Variants in SH3YL1 observed in about 807,000 individuals in gnomAD.
The protein encoded by SH3YL1 is SH3 domain-containing YSC84-like protein 1.
A neutral mutation model predicts 45.8 loss-of-function variants in SH3YL1; 41 were observed. That is an observed-to-expected ratio of 0.89 (90% CI 0.70 to 1.16). The LOEUF is 1.16. SH3YL1 is among the 50% of genes most tolerant of loss of function. The probability of loss-of-function intolerance (pLI) is 0.00; values close to 1 mark genes in which losing one functional copy is unlikely to be tolerated. For synonymous variants in SH3YL1, 152 were observed against 151.4 expected (o/e 1.00, Z -0.03); for missense variants, 389 against 409.6 (o/e 0.95, Z 0.43).
chr2:252,085 G>A (rs1669093968), intron 2 of SH3YL1, among the ~76,000 whole-genome samples: 1 of 152,130 alleles, frequency 6.6e-6, no homozygotes, highest in Non-Finnish European at 1.5e-5. Flanking sequence ...GATCTTATGT[G>A]TCACTGACTA....
At chr2:231,417 T>A (rs1041025098) in intron 6 of SH3YL1, among the ~76,000 whole-genome samples, 12 of 152,230 alleles carry the variant, frequency 7.9e-5, no homozygotes, top group Non-Finnish European at 1.2e-4. Context: ...CTTATATGTA[T>A]CCTTTCTTTA....
intron 8 of SH3YL1, 78 bp downstream of exon 8, chr2:229,888 T>C: frequency 1.7e-6 from 2 of 1,164,918 alleles, no homozygotes; most frequent in East Asian, 2.6e-5. Context: ...AGTTTAACAA[T>C]GTATCTTGAT....
At chr2:222,773 C>G (rs914906890) in intron 9 of SH3YL1, 1 of 152,246 alleles carries the variant, frequency 6.6e-6, no homozygotes, top group Non-Finnish European at 1.5e-5. Context: ...TCATCACACC[C>G]AGCAGCCCCT....
intron 9 of SH3YL1, among the ~76,000 whole-genome samples, chr2:220,910 T>C (rs1210844357): frequency 6.6e-6 from 1 of 152,244 alleles, no homozygotes; most frequent in Non-Finnish European, 1.5e-5. Flanking sequence ...CACAGCCATC[T>C]TAGCTACCAT....
chr2:234,334 C>T, intron 4 of SH3YL1, 62 bp from the exon 5 acceptor site: 5 of 1,277,320 alleles, frequency 3.9e-6, no homozygotes, highest in Non-Finnish European at 5.6e-6. Context: ...TAAAATTCAT[C>T]TTGACTAACA....
At chr2:227,889 A>ATG (rs3070147) in intron 8 of SH3YL1, among the ~76,000 whole-genome samples, 45,828 of 150,698 alleles carry the variant, frequency 0.3, 7,404 homozygotes, top group East Asian at 0.58. Flanking sequence ...CCATAAAATT[A>ATG]TGTGTGTGTG....
At chr2:256,984 T>C (rs1669361261) in intron 1 of SH3YL1, among the ~76,000 whole-genome samples, 1 of 152,214 alleles carries the variant, frequency 6.6e-6, no homozygotes, top group African/African-American at 2.4e-5. Flanking sequence ...CTAATGATGT[T>C]GAACACTTTT....
rs201370485 is a variant in SH3YL1 at position 233,196 on chromosome 2, G to T, written c.438C>A (p.Ser146=). 2 of 1,590,122 alleles carry T rather than the reference G, an allele frequency of 1.3e-6. No homozygotes were observed. Among genetic ancestry groups the T allele is most frequent in the Non-Finnish European group, 1.7e-6 (2 of 1,166,380 alleles). Residue 146 remains serine (S), a synonymous_variant, in exon 6 of 10, where the codon TCC becomes TCA. Coordinates refer to ENST00000356150, the MANE Select transcript of SH3YL1 (RefSeq NM_015677.4). ...ACTTGCAGTACGTGAAGACGGCAGC[G>T]GAGCTTCTCAGGGCCACGTTTCCTT... The part of the protein sequence containing the change: ...NLEGNVALRS[S]AAVFTYCKSR...
chr2:262,416 G>C (rs935252960), intron 1 of SH3YL1: 5 of 353,136 alleles, frequency 1.4e-5, no homozygotes, highest in African/African-American at 1.1e-4. Flanking sequence ...AGCTTTCTCT[G>C]CTCCCTCGGG....
At position 260,740 on chromosome 2, in the gene SH3YL1, C is replaced by T. The variant is rs915143098; in HGVS notation, c.1+3244G>A. ...TTTAGACTAGATTTTCTGATACATG[C>T]AACTGAAGCACTGTAAATAATACAT... On this transcript the variant is annotated intron_variant, in intron 1 of 9. Transcript: ENST00000356150. 5 of 152,364 alleles carry T rather than the reference C, an allele frequency of 3.3e-5. No individual in the cohort carries two copies. The East Asian group carries it at 7.7e-4, about 24-fold the overall frequency. 9.4% of individuals were successfully genotyped at this position (152,364 alleles called of 1,614,324 possible).
intron 9 of SH3YL1, among the ~76,000 whole-genome samples, chr2:221,662 TA>T: frequency 6.6e-6 from 1 of 152,284 alleles, no homozygotes; most frequent in Middle Eastern, 3.4e-3. Context: ...TTACTGAGGC[TA>T]AGATGTGTGT....
chr2:243,251 G>A (rs1414409042), intron 4 of SH3YL1, among the ~76,000 whole-genome samples: 1 of 152,110 alleles, frequency 6.6e-6, no homozygotes, highest in Non-Finnish European at 1.5e-5. Flanking sequence ...ATGGAACATT[G>A]TACAGGACAA....
At position 234,161 on chromosome 2, in the gene SH3YL1, T is replaced by A; in HGVS notation, c.403A>T (p.Arg135Trp). The A allele has an allele frequency of 6.2e-7, 1 of 1,609,882 alleles. No homozygotes were observed. The highest frequency in any genetic ancestry group is 8.5e-7 in the Non-Finnish European group (1 of 1,178,422). Residue 135 changes from arginine (R) to tryptophan (W), a missense_variant and splice_region_variant, in exon 5 of 10, where the codon AGG becomes TGG. Arg to Trp is a moderately radical substitution (Grantham distance 101). Transcript: ENST00000356150. The part of the protein sequence containing the change: ...NLTVAVGPLG[R>W]NLEGNVALRS... ...CTAACATCTATTTAAAGAACTCACC[T>A]TCCCAAGGGCCCAACCGCCACAGTC... is the stretch of plus-strand genomic sequence containing the variant.
chr2:264,212 A>G, upstream of SH3YL1: 1 of 529,804 alleles, frequency 1.9e-6, no homozygotes, highest in Non-Finnish European at 3.1e-6. Context: ...CCCGTCCTCA[A>G]GATCGAAAAG....
At chr2:243,274 G>A (rs1433322960) in intron 4 of SH3YL1, among the ~76,000 whole-genome samples, 1 of 152,102 alleles carries the variant, frequency 6.6e-6, no homozygotes, top group African/African-American at 2.4e-5. Context: ...GTCTATATTT[G>A]AGGCCATAAA....
At chr2:261,201 T>C (rs1229305913) in intron 1 of SH3YL1, 1 of 152,238 alleles carries the variant, frequency 6.6e-6, no homozygotes, top group African/African-American at 2.4e-5. Context: ...CAGCATCAAA[T>C]GATGGCTCAC....
chr2:251,202 T>G (rs557020273), intron 2 of SH3YL1, among the ~76,000 whole-genome samples: 10 of 152,370 alleles, frequency 6.6e-5, no homozygotes, highest in African/African-American at 2.4e-4. Context: ...ATTTATAACA[T>G]AGAATGTACC....
At chr2:263,956 C>T in intron 1 of SH3YL1, 28 bp downstream of exon 1, 1 of 1,505,542 alleles carries the variant, frequency 6.6e-7, no homozygotes, top group Non-Finnish European at 8.9e-7. Context: ...GAGGGTGCTG[C>T]CGGACAGGTG....
intron 4 of SH3YL1, among the ~76,000 whole-genome samples, chr2:242,601 A>AAAAGTGG (rs1668589127): frequency 6.6e-6 from 1 of 152,180 alleles, no homozygotes; most frequent in Non-Finnish European, 1.5e-5. Flanking sequence ...CAGAGGGACA[A>AAAAGTGG]AAACGGCATG....
Sources: allele counts gnomAD v4.1 joint callset (sites outside exome capture counted in the v4.1 genomes callset), GRCh38; gene constraint gnomAD v4.1.1; transcripts MANE v1.5; gene names NCBI Gene and HGNC (gene_info 2026-07-23, HGNC 2026-07-21).